The following S100Z variants were observed in gnomAD, a reference collection of about 807,000 sequenced individuals.
S100Z encodes the protein protein S100-Z.
In S100Z, 11 loss-of-function variants were observed where a neutral mutation model predicts 8.5. The ratio of observed to expected loss-of-function variants is 1.30; its 90% CI spans 0.82 to 2.15. The LOEUF (loss-of-function observed/expected upper bound fraction) is 2.15, where lower values mean the gene tolerates loss of function less well. S100Z is among the 30% of genes most tolerant of loss of function. The probability of loss-of-function intolerance (pLI) is 0.00; values close to 1 mark genes in which losing one functional copy is unlikely to be tolerated. For synonymous variants in S100Z, 34 were observed against 43.8 expected, an observed-to-expected ratio of 0.78 and a Z score of 0.89; for missense variants, 126 against 117.9, an observed-to-expected ratio of 1.07 and a Z score of -0.32.
intron 4 of S100Z, among the ~76,000 whole-genome samples, chr5:76,913,162 C>G (rs1312773191): frequency 1.3e-5 from 2 of 152,226 alleles, no homozygotes; most frequent in Non-Finnish European, 2.9e-5. Context: ...AAGGGCGTAG[C>G]CTGAAAGCAC....
chr5:76,863,188 A>C (rs1273875185), intron 1 of S100Z, among the ~76,000 whole-genome samples: 1 of 152,202 alleles, frequency 6.6e-6, no homozygotes, highest in Non-Finnish European at 1.5e-5. Context: ...GCCAGGAGGA[A>C]AAGAGTATAG....
intron 1 of S100Z, among the ~76,000 whole-genome samples, chr5:76,852,180 G>A (rs900252022): frequency 3.3e-5 from 5 of 152,044 alleles, no homozygotes; most frequent in Non-Finnish European, 7.4e-5. Context: ...TTTCCCACTG[G>A]CCTCCACTCC....
downstream of S100Z, among the ~76,000 whole-genome samples, chr5:76,923,042 A>T (rs980315396): frequency 1.3e-5 from 2 of 152,156 alleles, no homozygotes; most frequent in Non-Finnish European, 2.9e-5. Flanking sequence ...CTTCTAAAAA[A>T]ACACAATACC....
chr5:76,923,245 T>A (rs1017397961), downstream of S100Z, among the ~76,000 whole-genome samples: 2 of 152,230 alleles, frequency 1.3e-5, no homozygotes, highest in African/African-American at 4.8e-5. Context: ...TCTTTTGTAA[T>A]TTCCCCCCAT....
chr5:76,919,973 A>G (rs1465474996), intron 4 of S100Z, among the ~76,000 whole-genome samples: 1 of 149,770 alleles, frequency 6.7e-6, no homozygotes, highest in African/African-American at 2.5e-5. Flanking sequence ...CAGTGGTCCA[A>G]TCTTGGCTCA....
At chr5:76,866,194 C>G (rs924830974) in intron 1 of S100Z, among the ~76,000 whole-genome samples, 1 of 151,826 alleles carries the variant, frequency 6.6e-6, no homozygotes, top group African/African-American at 2.4e-5. Flanking sequence ...AAGTGGTCCC[C>G]CCACCTCAGC....
At chr5:76,939,063 A>T in the S100Z span, among the ~76,000 whole-genome samples, 2 of 152,220 alleles carry the variant, frequency 1.3e-5, no homozygotes, top group African/African-American at 4.8e-5. Context: ...TTGAAAGGAA[A>T]AACCTTGGCA....
rs539004285 is a variant in S100Z, at chr5:76,908,073, G to A, written c.*3-12644G>A. Among the ~76,000 whole-genome samples the A allele has an allele frequency of 2.0e-4, 31 of 152,152 alleles. 1 individual carries two copies. Among genetic ancestry groups the A allele is most frequent in the East Asian group, 1.9e-3 (10 of 5,170 alleles). The stretch of plus-strand genomic sequence containing the variant: ...CTGACCCTGGGGAAGTTGAGGATTC[G>A]GTAAGCCATGATTTTGCCACTGCAC... On this transcript the variant is annotated intron_variant, in intron 4 of 4. Transcript: ENST00000317593.
intron 4 of S100Z, among the ~76,000 whole-genome samples, chr5:76,894,463 GT>G (rs1210235250): frequency 6.6e-6 from 1 of 152,138 alleles, no homozygotes. Context: ...ATGTTACAGA[GT>G]TTGACTTTTT....
At chr5:76,917,190 C>T (rs897656547) in intron 4 of S100Z, among the ~76,000 whole-genome samples, 3 of 150,524 alleles carry the variant, frequency 2.0e-5, no homozygotes, top group African/African-American at 7.3e-5. Context: ...AGGAAGGTCT[C>T]AAGTCTGTAT....
At chr5:76,922,818 T>C (rs1425140886), downstream of S100Z, among the ~76,000 whole-genome samples, 3 of 152,096 alleles carry the variant, frequency 2.0e-5, no homozygotes, top group Non-Finnish European at 2.9e-5. Context: ...CCACCATGCC[T>C]AGCCAAAGAG....
chr5:76,880,218 G>C (rs1361790272), intron 4 of S100Z, among the ~76,000 whole-genome samples: 1 of 152,210 alleles, frequency 6.6e-6, no homozygotes, highest in Non-Finnish European at 1.5e-5. Flanking sequence ...GGAATGTCAT[G>C]AGTTAAGGCT....
intron 4 of S100Z, among the ~76,000 whole-genome samples, chr5:76,906,972 G>GTATATATA (rs1744447479): frequency 3.3e-5 from 1 of 30,410 alleles, no homozygotes; most frequent in African/African-American, 1.2e-4. Context: ...TCCATTGTGT[G>GTATATATA]TGTGTATATA....
chr5:76,949,204 C>T, the S100Z span, among the ~76,000 whole-genome samples: 7 of 152,164 alleles, frequency 4.6e-5, no homozygotes, highest in East Asian at 1.9e-4. Flanking sequence ...CTGGCTAACA[C>T]GGTGAAACCC....
chr5:76,933,660 T>C, the S100Z span, among the ~76,000 whole-genome samples: 1 of 152,206 alleles, frequency 6.6e-6, no homozygotes, highest in African/African-American at 2.4e-5. Flanking sequence ...GGAATTATTG[T>C]TCCTATTTTT....
chr5:76,927,850 G>A, the S100Z span, among the ~76,000 whole-genome samples: 3 of 152,104 alleles, frequency 2.0e-5, no homozygotes, highest in Admixed American at 1.3e-4. Context: ...TCGTAGATAA[G>A]GAAACCAAGG....
downstream of S100Z, among the ~76,000 whole-genome samples, chr5:76,923,029 G>A (rs1369601401): frequency 3.7e-5 from 5 of 134,782 alleles, no homozygotes; most frequent in Non-Finnish European, 6.6e-5. Flanking sequence ...AAAAAAAAAT[G>A]GGCTTCTAAA....
intron 1 of S100Z, among the ~76,000 whole-genome samples, chr5:76,868,322 T>C (rs1197379156): frequency 1.3e-5 from 2 of 149,888 alleles, no homozygotes; most frequent in African/African-American, 5.0e-5. Context: ...TATTTAGCTC[T>C]GCCAAAGCCC....
At chr5:76,884,054 G>A (rs578147403) in intron 4 of S100Z, among the ~76,000 whole-genome samples, 1 of 152,222 alleles carries the variant, frequency 6.6e-6, no homozygotes, top group African/African-American at 2.4e-5. Flanking sequence ...TGTGGGGTTC[G>A]AGGGCCGAAT....
Sources: gnomAD v4.1 joint callset for allele counts (sites outside exome capture counted in the v4.1 genomes callset) on GRCh38, gnomAD v4.1.1 for gene constraint, MANE v1.5 for transcripts, NCBI Gene and HGNC (gene_info 2026-07-23, HGNC 2026-07-21) for gene names.